The following NEMP2 variants were observed in gnomAD, a reference collection of about 807,000 sequenced individuals.
The protein encoded by NEMP2 is UPF0571 transmembrane protein.
A neutral mutation model predicts 54.2 loss-of-function variants in NEMP2; 53 were observed. That is an observed-to-expected ratio of 0.98 (90% confidence interval 0.78 to 1.23). NEMP2 has a LOEUF of 1.23. Among genes scored for constraint, NEMP2 ranks in the 50% most tolerant of loss-of-function variants. The pLI, the probability that NEMP2 is intolerant of heterozygous loss-of-function variation, is 0.00. For synonymous variants in NEMP2, 197 were observed against 190.3 expected, an observed-to-expected ratio of 1.04 and a Z score of -0.29; for missense variants, 455 against 511.3, an observed-to-expected ratio of 0.89 and a Z score of 1.06.
chr2:190,644,214 C>T, the NEMP2 span, among the ~76,000 whole-genome samples: 1 of 152,014 alleles, frequency 6.6e-6, no homozygotes, highest in Admixed American at 6.5e-5. The surrounding 1 kb of genome is among the most constrained non-coding windows in gnomAD (Gnocchi z 4.4). Context: ...AGAAGGATTA[C>T]AGACATACTG....
chr2:190,602,676 C>T, the NEMP2 span, among the ~76,000 whole-genome samples: 1 of 152,148 alleles, frequency 6.6e-6, no homozygotes, highest in Non-Finnish European at 1.5e-5. Flanking sequence ...ACTGCCCTGT[C>T]TTCCTGTACA....
intron 2 of NEMP2, among the ~76,000 whole-genome samples, chr2:190,524,001 A>G (rs1441966006): frequency 6.6e-6 from 1 of 151,834 alleles, no homozygotes. Flanking sequence ...CCCGGAGTTC[A>G]GTAGACTCAT....
At chr2:190,573,927 A>C in the NEMP2 span, among the ~76,000 whole-genome samples, 12 of 152,318 alleles carry the variant, frequency 7.9e-5, no homozygotes, top group African/African-American at 2.6e-4. Flanking sequence ...CTTCAGAATA[A>C]ATTTGAAATA....
the NEMP2 span, among the ~76,000 whole-genome samples, chr2:190,423,799 C>T: frequency 6.6e-6 from 1 of 152,186 alleles, no homozygotes; most frequent in African/African-American, 2.4e-5. The surrounding 1 kb of genome is among the most constrained non-coding windows in gnomAD (Gnocchi z 4.3). Flanking sequence ...TATCAGAATT[C>T]AGTGTTATCC....
At chr2:190,433,111 AGTGT>A in the NEMP2 span, among the ~76,000 whole-genome samples, 1 of 151,810 alleles carries the variant, frequency 6.6e-6, no homozygotes, top group Non-Finnish European at 1.5e-5. This position sits in a 1 kb window ranked among gnomAD's most constrained non-coding sequence, Gnocchi z 4.5. Flanking sequence ...TGACTTTTAC[AGTGT>A]GTGTGTATGT....
At chr2:190,491,746 AG>A in the NEMP2 span, among the ~76,000 whole-genome samples, 81 of 152,348 alleles carry the variant, frequency 5.3e-4, 1 homozygote, top group East Asian at 0.016. The surrounding 1 kb of genome is among the most constrained non-coding windows in gnomAD (Gnocchi z 4.2). Context: ...TGACAAAACA[AG>A]GTTCTTTAAC....
At chr2:190,444,984 G>A in the NEMP2 span, 8 of 396,692 alleles carry the variant, frequency 2.0e-5, no homozygotes, top group Non-Finnish European at 2.7e-5. Flanking sequence ...TGTAGTCCAG[G>A]CCTCTTATTT....
the NEMP2 span, chr2:190,454,650 A>G: frequency 2.0e-5 from 3 of 152,148 alleles, no homozygotes; most frequent in Non-Finnish European, 2.9e-5. This position sits in a 1 kb window ranked among gnomAD's most constrained non-coding sequence, Gnocchi z 4.6. Context: ...CTGGTATCCT[A>G]TTCTCAGATT....
the NEMP2 span, among the ~76,000 whole-genome samples, chr2:190,647,464 A>G: frequency 6.6e-6 from 1 of 152,108 alleles, no homozygotes; most frequent in Non-Finnish European, 1.5e-5. Context: ...AAGTAGGCAC[A>G]CTCTGGGAGG....
At chr2:190,489,349 A>G in the NEMP2 span, among the ~76,000 whole-genome samples, 1 of 152,202 alleles carries the variant, frequency 6.6e-6, no homozygotes. This position sits in a 1 kb window ranked among gnomAD's most constrained non-coding sequence, Gnocchi z 6.6. Flanking sequence ...CTACTCAGTC[A>G]TCTATTAATA....
the NEMP2 span, among the ~76,000 whole-genome samples, chr2:190,627,590 A>AG: frequency 7.3e-3 from 956 of 131,342 alleles, 3 homozygotes; most frequent in African/African-American, 9.5e-3. This position sits in a 1 kb window ranked among gnomAD's most constrained non-coding sequence, Gnocchi z 4.4. Flanking sequence ...AAAAGTTCTT[A>AG]GGGAAAAAAA....
the NEMP2 span, among the ~76,000 whole-genome samples, chr2:190,544,930 CAA>C: frequency 0.29 from 25,988 of 90,992 alleles, 2,942 homozygotes; most frequent in South Asian, 0.4. Context: ...TCTACCCCCG[CAA>C]AAAAAAAAAA....
chr2:190,579,134 TG>T, the NEMP2 span, among the ~76,000 whole-genome samples: 1 of 152,150 alleles, frequency 6.6e-6, no homozygotes, highest in African/African-American at 2.4e-5. Flanking sequence ...GGTTTGTGTG[TG>T]TGTGTCCTTT....
the NEMP2 span, among the ~76,000 whole-genome samples, chr2:190,453,451 C>T: frequency 1.3e-5 from 2 of 152,190 alleles, no homozygotes; most frequent in African/African-American, 4.8e-5. Flanking sequence ...ACAGCTCCAT[C>T]TTCCTCCTCT....
the NEMP2 span, among the ~76,000 whole-genome samples, chr2:190,427,354 T>G: frequency 6.6e-6 from 1 of 152,210 alleles, no homozygotes; most frequent in Non-Finnish European, 1.5e-5. Context: ...CCTTTGATGG[T>G]GTGGGCAGGA....
the NEMP2 span, among the ~76,000 whole-genome samples, chr2:190,566,504 C>T: frequency 6.6e-6 from 1 of 151,896 alleles, no homozygotes; most frequent in African/African-American, 2.4e-5. Flanking sequence ...TGTGAGATCA[C>T]CTGAACATGG....
chr2:190,436,028 C>T, the NEMP2 span: 1 of 1,606,418 alleles, frequency 6.2e-7, no homozygotes, highest in African/African-American at 1.3e-5. The surrounding 1 kb of genome is among the most constrained non-coding windows in gnomAD (Gnocchi z 5.3). Flanking sequence ...TGGTGGTAAG[C>T]CATGGCAGAT....
At chr2:190,456,994 A>G in the NEMP2 span, among the ~76,000 whole-genome samples, 1 of 152,180 alleles carries the variant, frequency 6.6e-6, no homozygotes, top group East Asian at 1.9e-4. The surrounding 1 kb of genome is among the most constrained non-coding windows in gnomAD (Gnocchi z 5.4). Context: ...TGATGCCAAC[A>G]TAAACGTTCA....
At chr2:190,624,936 A>C in the NEMP2 span, 32 of 152,242 alleles carry the variant, frequency 2.1e-4, no homozygotes, top group Non-Finnish European at 2.9e-5. Flanking sequence ...ATCATCTATC[A>C]TCAAAAAGAT....
Sources: allele counts gnomAD v4.1 joint callset (sites outside exome capture counted in the v4.1 genomes callset), GRCh38; gene constraint gnomAD v4.1.1; non-coding constraint Gnocchi (gnomAD v3.1); transcripts MANE v1.5; gene names NCBI Gene and HGNC (gene_info 2026-07-23, HGNC 2026-07-21).